ANKRD30BL: variants seen among roughly 807,000 people sequenced by gnomAD.
ANKRD30BL encodes the protein putative ankyrin repeat domain-containing protein 30B-like.
Under a neutral mutation model 18.4 loss-of-function variants are expected in ANKRD30BL, and 20 were observed. That is an observed-to-expected ratio of 1.09 (90% CI 0.77 to 1.58). The LOEUF is 1.58. Ranked by LOEUF, ANKRD30BL falls within the 40% of genes most tolerant of loss-of-function variation. The pLI is 0.00. For missense variants in ANKRD30BL, 224 were observed against 268.6 expected, an observed-to-expected ratio of 0.83 and a Z score of 1.16; for synonymous variants, 72 against 100.9, an observed-to-expected ratio of 0.71 and a Z score of 1.72.
intron 1 of ANKRD30BL, among the ~76,000 whole-genome samples, chr2:132,193,977 C>T (rs936159273): frequency 4.0e-5 from 6 of 151,712 alleles, no homozygotes; most frequent in African/African-American, 1.5e-4. Context: ...GATGAATACA[C>T]CCTGATTAGC....
intron 1 of ANKRD30BL, among the ~76,000 whole-genome samples, chr2:132,194,049 TCTCTCTCACA>T (rs1678912013): frequency 7.7e-6 from 1 of 130,396 alleles, no homozygotes; most frequent in African/African-American, 3.3e-5. Context: ...TCTCTCTCTC[TCTCTCTCACA>T]CACACACACA....
At chr2:132,161,994 C>G (rs994380222), upstream of ANKRD30BL, 1 of 313,398 alleles carries the variant, frequency 3.2e-6, no homozygotes, top group Non-Finnish European at 6.0e-6. Flanking sequence ...GGGAGACACG[C>G]GAGGCAGGAA....
intron 1 of ANKRD30BL, among the ~76,000 whole-genome samples, chr2:132,200,137 C>T (rs544707251): frequency 3.7e-4 from 57 of 152,010 alleles, no homozygotes; most frequent in South Asian, 1.2e-3. Context: ...ATTGATGGGA[C>T]GTATTTCAAA....
At chr2:132,254,925 G>A (rs76385813) in intron 1 of ANKRD30BL, among the ~76,000 whole-genome samples, 3 of 152,126 alleles carry the variant, frequency 2.0e-5, no homozygotes, top group Non-Finnish European at 4.4e-5. Flanking sequence ...AATCCTGTCC[G>A]TGTCCAGGCT....
At chr2:132,227,651 C>T (rs1679882936) in intron 1 of ANKRD30BL, among the ~76,000 whole-genome samples, 3 of 152,048 alleles carry the variant, frequency 2.0e-5, no homozygotes, top group African/African-American at 7.2e-5. Context: ...TTCTGAAACA[C>T]TCTTTTTGTA....
chr2:132,247,956 G>A (rs77373298), intron 1 of ANKRD30BL, among the ~76,000 whole-genome samples: 1 of 151,930 alleles, frequency 6.6e-6, no homozygotes, highest in Non-Finnish European at 1.5e-5. Context: ...AGTCCTCAAA[G>A]GGCTGACAAA....
chr2:132,158,309 T>A (rs1465453295), intron 1 of ANKRD30BL, among the ~76,000 whole-genome samples: 1 of 152,120 alleles, frequency 6.6e-6, no homozygotes, highest in African/African-American at 2.4e-5. Context: ...TATGGCTTAT[T>A]TTATTCCATG....
At chr2:132,172,711 CTTT>C (rs36085588) in intron 1 of ANKRD30BL, among the ~76,000 whole-genome samples, 12 of 143,510 alleles carry the variant, frequency 8.4e-5, no homozygotes, top group African/African-American at 3.1e-4. Flanking sequence ...TTGAGGGTGA[CTTT>C]TTTTTTTTTT....
chr2:132,205,447 C>A (rs1484061104), intron 1 of ANKRD30BL, among the ~76,000 whole-genome samples: 3 of 150,188 alleles, frequency 2.0e-5, no homozygotes, highest in African/African-American at 7.5e-5. Context: ...ACTAAAAATA[C>A]AAAATTAGCT....
At chr2:132,165,406 A>T (rs886216039), upstream of ANKRD30BL, among the ~76,000 whole-genome samples, 2 of 151,956 alleles carry the variant, frequency 1.3e-5, no homozygotes, top group African/African-American at 4.8e-5. Flanking sequence ...CTAAAAACAC[A>T]TTTGCAGCCA....
chr2:132,219,424 TG>T (rs1679606623), intron 1 of ANKRD30BL, among the ~76,000 whole-genome samples: 1 of 151,834 alleles, frequency 6.6e-6, no homozygotes, highest in Non-Finnish European at 1.5e-5. Flanking sequence ...ACACTCTTTT[TG>T]TATAATCTGC....
At chr2:132,256,446 C>G (rs1254270783) in intron 1 of ANKRD30BL, among the ~76,000 whole-genome samples, 1 of 152,226 alleles carries the variant, frequency 6.6e-6, no homozygotes, top group African/African-American at 2.4e-5. Context: ...GTGCGGCAGC[C>G]GCGAGGGACC....
At position 132,199,520 on chromosome 2, in the gene ANKRD30BL, T is replaced by C. The variant is rs1679050735; in HGVS notation, n.442-42374A>G. On this transcript the variant is annotated intron_variant and non_coding_transcript_variant, in intron 1 of 4. Transcript: ENST00000470729. ...CTTTTCTTTTCTTTTTTTTTTATTT[T>C]TTGTTTGAGACAGTCTCGCTCTGTG... is the stretch of plus-strand genomic sequence containing the variant. Among the ~76,000 whole-genome samples, 3 of 152,138 alleles carry C rather than the reference T, an allele frequency of 2.0e-5. No homozygotes were observed. In the South Asian group the frequency reaches 6.2e-4, roughly 32 times the overall value.
chr2:132,157,287 G>GA, intron 2 of ANKRD30BL, 22 bp downstream of exon 2: 1 of 808,306 alleles, frequency 1.2e-6, no homozygotes, highest in Non-Finnish European at 2.1e-6. Context: ...ATCTCCTGCT[G>GA]AAAGAACTGG....
At chr2:132,236,763 T>C (rs1293786290) in intron 1 of ANKRD30BL, among the ~76,000 whole-genome samples, 1 of 152,070 alleles carries the variant, frequency 6.6e-6, no homozygotes, top group Non-Finnish European at 1.5e-5. Context: ...GACCCAGCCA[T>C]CCCATTACTG....
intron 1 of ANKRD30BL, among the ~76,000 whole-genome samples, chr2:132,183,421 A>G (rs1379505288): frequency 1.3e-5 from 2 of 152,086 alleles, no homozygotes; most frequent in East Asian, 1.9e-4. Flanking sequence ...GAATCACTGC[A>G]CCCGGCCACT....
intron 3 of ANKRD30BL, chr2:132,155,998 T>C (rs1687894260): frequency 6.6e-6 from 1 of 152,160 alleles, no homozygotes; most frequent in African/African-American, 2.4e-5. Flanking sequence ...ATCTACTTCT[T>C]AAAATGCAAT....
intron 1 of ANKRD30BL, among the ~76,000 whole-genome samples, chr2:132,209,504 A>T (rs921188231): frequency 6.6e-6 from 1 of 151,910 alleles, no homozygotes; most frequent in African/African-American, 2.4e-5. Flanking sequence ...ATGGAGGAAA[A>T]GGAAACATCT....
chr2:132,168,893 AAAAT>A (rs1237999822), intron 1 of ANKRD30BL, among the ~76,000 whole-genome samples: 1 of 98,480 alleles, frequency 1.0e-5, no homozygotes, highest in Non-Finnish European at 2.0e-5. Flanking sequence ...GCTAGAAAGA[AAAAT>A]AAGAAAAAAA....
Sources: gnomAD v4.1 joint callset for allele counts (sites outside exome capture counted in the v4.1 genomes callset) on GRCh38, gnomAD v4.1.1 for gene constraint, MANE v1.5 for transcripts, NCBI Gene and HGNC (gene_info 2026-07-23, HGNC 2026-07-21) for gene names.